The following MARCHF1 variants were observed in gnomAD, a reference collection of about 807,000 sequenced individuals.
The protein encoded by MARCHF1 is membrane associated ring-CH-type finger 1, also known as E3 ubiquitin-protein ligase MARCHF1.
A neutral mutation model predicts 54.2 loss-of-function variants in MARCHF1; 40 were observed. That is an observed-to-expected ratio of 0.74 (90% CI 0.57 to 0.96). MARCHF1 has a LOEUF of 0.96. MARCHF1 is among the 40% of genes least tolerant of loss of function. The pLI, the probability that MARCHF1 is intolerant of heterozygous loss-of-function variation, is 0.00. For missense variants in MARCHF1, 586 were observed against 656.5 expected (o/e 0.89, Z 1.17); for synonymous variants, 236 against 236.3 (o/e 1.00, Z 0.01).
chr4:164,009,176 C>A (rs1267276086), intron 2 of MARCHF1, among the ~76,000 whole-genome samples: 3 of 151,936 alleles, frequency 2.0e-5, no homozygotes, highest in African/African-American at 7.2e-5. Context: ...CTATTATGAG[C>A]AACTACACAC....
intron 4 of MARCHF1, among the ~76,000 whole-genome samples, chr4:163,767,264 C>A (rs1372403346): frequency 6.6e-6 from 1 of 151,434 alleles, no homozygotes; most frequent in Non-Finnish European, 1.5e-5. Flanking sequence ...CTGTGAAAAT[C>A]TGATTAATTT....
intron 7 of MARCHF1, among the ~76,000 whole-genome samples, chr4:163,595,987 C>T (rs899531901): frequency 3.3e-5 from 5 of 151,250 alleles, no homozygotes; most frequent in Non-Finnish European, 5.9e-5. Flanking sequence ...ATTAATTTGG[C>T]ATATTAGATA....
At chr4:163,733,240 T>TATAC (rs1745926736) in intron 4 of MARCHF1, among the ~76,000 whole-genome samples, 1 of 46,666 alleles carries the variant, frequency 2.1e-5, no homozygotes, top group African/African-American at 5.6e-5. Context: ...TATATATATA[T>TATAC]ACACGTGTAT....
chr4:164,290,660 T>C (rs1181447265), intron 1 of MARCHF1, among the ~76,000 whole-genome samples: 1 of 151,982 alleles, frequency 6.6e-6, no homozygotes, highest in African/African-American at 2.4e-5. Context: ...AAAGATAAAA[T>C]AAATGAATAT....
At chr4:164,219,228 T>TTTAG (rs140236938) in intron 1 of MARCHF1, among the ~76,000 whole-genome samples, 109,484 of 151,638 alleles carry the variant, frequency 0.72, 40,314 homozygotes, top group African/African-American at 0.87. Flanking sequence ...AAATTAAATA[T>TTTAG]TTATATAGTT....
chr4:163,575,551 T>C (rs1022080633), intron 8 of MARCHF1, among the ~76,000 whole-genome samples: 1 of 152,162 alleles, frequency 6.6e-6, no homozygotes, highest in African/African-American at 2.4e-5. Context: ...GTTATCAGAG[T>C]GATGCTGGCT....
At chr4:164,318,660 G>C (rs139767517) in intron 1 of MARCHF1, among the ~76,000 whole-genome samples, 52 of 152,292 alleles carry the variant, frequency 3.4e-4, no homozygotes, top group Middle Eastern at 3.4e-3. Flanking sequence ...TGTCTAAAGT[G>C]TAACTCTTGA....
intron 3 of MARCHF1, among the ~76,000 whole-genome samples, chr4:163,932,237 T>C (rs1187586324): frequency 6.6e-6 from 1 of 152,170 alleles, no homozygotes; most frequent in African/African-American, 2.4e-5. Context: ...TTGCCAAAGA[T>C]TGGGTGTATG....
At chr4:164,315,606 A>C (rs1295880148) in intron 1 of MARCHF1, among the ~76,000 whole-genome samples, 2 of 152,190 alleles carry the variant, frequency 1.3e-5, no homozygotes, top group African/African-American at 4.8e-5. Context: ...CATTTTATGA[A>C]TGATTTAGAA....
chr4:163,941,282 C>A (rs1751906814), intron 3 of MARCHF1, among the ~76,000 whole-genome samples: 1 of 151,862 alleles, frequency 6.6e-6, no homozygotes, highest in South Asian at 2.1e-4. Context: ...CTGTGGTTGT[C>A]AAGAAAAGCT....
At chr4:164,197,130 A>C in intron 1 of MARCHF1, 1 of 1,603,858 alleles carries the variant, frequency 6.2e-7, no homozygotes, top group Non-Finnish European at 8.5e-7. Context: ...CCTCCTCTTC[A>C]CCTTCCTCCT....
chr4:164,117,652 C>A (rs998489695), intron 1 of MARCHF1, among the ~76,000 whole-genome samples: 1 of 152,008 alleles, frequency 6.6e-6, no homozygotes, highest in African/African-American at 2.4e-5. Context: ...GTAATCCCAG[C>A]ACTTTGGGAG....
In MARCHF1 at chr4:164,048,103, T is replaced by C. The variant is rs529947592; in HGVS notation, c.-247-59394A>G. On this transcript the variant is annotated intron_variant, in intron 2 of 9. Coordinates refer to ENST00000514618, the MANE Select transcript of MARCHF1 (RefSeq NM_001394959.1). Reference sequence around the variant, plus strand: ...CATATAACATGTTAATAAAATTAAATTGTAAGTAAAATAGTTCCTAATTTT... The same window carrying C: ...CATATAACATGTTAATAAAATTAAACTGTAAGTAAAATAGTTCCTAATTTT... Among the ~76,000 whole-genome samples the C allele has an allele frequency of 6.6e-4, 101 of 152,276 alleles. 1 individual carries two copies. The highest frequency in any genetic ancestry group is 2.2e-3 in the African/African-American group (93 of 41,576).
intron 3 of MARCHF1, among the ~76,000 whole-genome samples, chr4:163,968,996 AT>A (rs1418231009): frequency 6.6e-6 from 1 of 152,160 alleles, no homozygotes; most frequent in African/African-American, 2.4e-5. Flanking sequence ...TACAGAGCTC[AT>A]AAAGAAGCCA....
chr4:164,341,287 A>T (rs576424338), intron 1 of MARCHF1, among the ~76,000 whole-genome samples: 1 of 152,036 alleles, frequency 6.6e-6, no homozygotes, highest in Non-Finnish European at 1.5e-5. Flanking sequence ...AACAAAAAAA[A>T]AAACCCCAGC....
At chr4:163,912,612 C>T (rs1209592812) in intron 3 of MARCHF1, among the ~76,000 whole-genome samples, 5 of 152,106 alleles carry the variant, frequency 3.3e-5, no homozygotes, top group African/African-American at 1.2e-4. Context: ...TTACCATTTC[C>T]TAGTTTCTAC....
chr4:164,340,405 T>TTATATATA lies in MARCHF1; in HGVS notation c.-323+43457_-323+43464dup, dbSNP rs1554002572. On this transcript the variant is annotated intron_variant, in intron 1 of 9. Coordinates refer to ENST00000514618, the MANE Select transcript of MARCHF1 (RefSeq NM_001394959.1). Reference sequence around the variant, plus strand: ...ACAGCACATGCCACCAGGCCTTGATTTATATATAGATATATATATATATAT... The same window carrying TTATATATA: ...ACAGCACATGCCACCAGGCCTTGATTTATATATATATATATAGATATATATATATATAT... Among the ~76,000 whole-genome samples, 117 of 95,574 alleles carry TTATATATA rather than the reference T, an allele frequency of 1.2e-3. 3 individuals are homozygous for TTATATATA. In the South Asian group the frequency reaches 0.014, roughly 11 times the overall value. 62.7% of individuals were successfully genotyped at this position (95,574 alleles called of 152,430 possible).
intron 5 of MARCHF1, among the ~76,000 whole-genome samples, chr4:163,652,505 T>G (rs892460059): frequency 2.0e-5 from 3 of 151,858 alleles, no homozygotes; most frequent in Non-Finnish European, 4.4e-5. Flanking sequence ...CCTCCAGCTC[T>G]CGGCAGAGTA....
intron 4 of MARCHF1, among the ~76,000 whole-genome samples, chr4:163,805,950 A>G (rs1315554245): frequency 2.0e-5 from 3 of 152,184 alleles, no homozygotes; most frequent in African/African-American, 7.2e-5. Flanking sequence ...TTGATTCTCC[A>G]GAGATCTTAA....
Sources: allele counts gnomAD v4.1 joint callset (sites outside exome capture counted in the v4.1 genomes callset), GRCh38; gene constraint gnomAD v4.1.1; transcripts MANE v1.5; gene names NCBI Gene and HGNC (gene_info 2026-07-23, HGNC 2026-07-21).